The following RUFY2 variants were observed in gnomAD, a reference collection of about 807,000 sequenced individuals.
The protein encoded by RUFY2 is RUN and FYVE domain-containing protein 2.
A neutral mutation model predicts 94.4 loss-of-function variants in RUFY2; 49 were observed. The ratio of observed to expected loss-of-function variants is 0.52; its 90% CI spans 0.41 to 0.66. The LOEUF is 0.66. Among genes scored for constraint, RUFY2 ranks in the 30% least tolerant of loss-of-function variants. RUFY2 has a pLI of 0.00. For synonymous variants in RUFY2, 255 were observed against 235.7 expected (o/e 1.08, Z -0.75); for missense variants, 541 against 692.8 (o/e 0.78, Z 2.46).
intron 15 of RUFY2, 59 bp from the exon 16 acceptor site, chr10:68,355,460 A>T: frequency 9.8e-7 from 1 of 1,021,904 alleles, no homozygotes; most frequent in Non-Finnish European, 1.5e-6. Context: ...TAGAACACTT[A>T]GTATTTCAGT....
intron 15 of RUFY2, among the ~76,000 whole-genome samples, chr10:68,356,683 G>C (rs185402526): frequency 2.6e-5 from 4 of 151,700 alleles, no homozygotes; most frequent in African/African-American, 4.8e-5. Context: ...GAGTAGATGG[G>C]ATTAGAGGCA....
Position 68,355,977 on chromosome 10 carries a change from A to G in RUFY2, c.1551-576T>C, listed in dbSNP as rs527580731. On this transcript the variant is annotated intron_variant, in intron 15 of 17. Coordinates refer to ENST00000602465, the MANE Select transcript of RUFY2 (RefSeq NM_001330103.2). ...TTCATGTGATCATGACAATATTTAT[A>G]GCTATCATTTATTGTAGGTTTACTA... Among the ~76,000 whole-genome samples, 228 of 152,238 alleles carry G rather than the reference A, an allele frequency of 1.5e-3. 1 individual carries two copies. Among genetic ancestry groups the G allele is most frequent in the African/African-American group, 5.3e-3 (222 of 41,560 alleles).
chr10:68,379,554 G>T, intron 11 of RUFY2, 33 bp from the exon 12 acceptor site: 2 of 1,494,112 alleles, frequency 1.3e-6, no homozygotes, highest in South Asian at 2.3e-5. Context: ...TGGTGGTTTT[G>T]ATTTGTGTGT....
chr10:68,350,828 T>G (rs1264230430), intron 16 of RUFY2, among the ~76,000 whole-genome samples: 1 of 152,026 alleles, frequency 6.6e-6, no homozygotes, highest in African/African-American at 2.4e-5. Flanking sequence ...TTCTCCTGCC[T>G]CAGCCTCCTG....
At position 68,355,367 on chromosome 10, in the gene RUFY2, T is replaced by G; in HGVS notation, c.1585A>C (p.Asn529His). Residue 529 changes from asparagine to histidine, a missense_variant, in exon 16 of 18, where the codon AAC becomes CAC. Asn to His is a moderately conservative substitution (Grantham distance 68, BLOSUM62 1). Around this residue, in one of 3 missense-constraint regions of RUFY2, gnomAD observed 403 missense variants for 480.7 expected, o/e 0.84. Transcript: ENST00000602465. ...GTTCTACTCACCTGCAATGCTTTGT[T>G]GGCTTCTTTTATGTCTTCAATTTTA... is the stretch of plus-strand genomic sequence containing the variant. Reference protein sequence around the residue: ...KLKIEDIKEANKALQGLVWLK... With the variant: ...KLKIEDIKEAHKALQGLVWLK... The G allele has an allele frequency of 6.2e-7, 1 of 1,611,908 alleles. No individual in the cohort carries two copies. The highest frequency in any genetic ancestry group is 8.5e-7 in the Non-Finnish European group (1 of 1,178,364).
intron 7 of RUFY2, among the ~76,000 whole-genome samples, chr10:68,386,399 G>T (rs576398752): frequency 6.6e-6 from 1 of 152,252 alleles, no homozygotes; most frequent in South Asian, 2.1e-4. Flanking sequence ...GCCCAGGCTG[G>T]AGTGCAGTGG....
chr10:68,372,909 A>G (rs548145646), intron 13 of RUFY2, among the ~76,000 whole-genome samples: 3 of 147,880 alleles, frequency 2.0e-5, no homozygotes, highest in East Asian at 2.0e-4. Context: ...CCCTGTATCA[A>G]AAAAAAAAAA....
In RUFY2 at chr10:68,383,877, T is replaced by C; in HGVS notation, c.860A>G (p.Tyr287Cys). 1 of 1,613,980 alleles carries C rather than the reference T, an allele frequency of 6.2e-7. No homozygotes were observed. The highest frequency in any genetic ancestry group is 8.5e-7 in the Non-Finnish European group (1 of 1,180,004). ...KVDVETELQT[Y>C]KHSRQGLDEM... ...ATCTAGCCCCTGACGAGAATGCTTA[T>C]ATGTTTGAAGCTCAGTTTCCACATC... Residue 287 changes from tyrosine to cysteine, a missense_variant, in exon 10 of 18, where the codon TAT becomes TGT. Tyr to Cys is a radical substitution (Grantham distance 194). Coordinates refer to ENST00000602465, the MANE Select transcript of RUFY2 (RefSeq NM_001330103.2).
At chr10:68,348,342 C>CAA (rs143688595) in intron 16 of RUFY2, among the ~76,000 whole-genome samples, 3 of 148,306 alleles carry the variant, frequency 2.0e-5, no homozygotes, top group African/African-American at 7.4e-5. Context: ...CCCATCTCTA[C>CAA]AAAAAAAAAT....
At chr10:68,366,452 A>G (rs2132522552) in intron 13 of RUFY2, among the ~76,000 whole-genome samples, 1 of 151,532 alleles carries the variant, frequency 6.6e-6, no homozygotes. Flanking sequence ...AACTTAGAAA[A>G]AATTTTCAGG....
Position 68,383,847 on chromosome 10 carries a change from A to ATT in RUFY2, c.888_889dup (p.Met297LysfsTer20). On this transcript the variant is annotated frameshift_variant, in exon 10 of 18. Coordinates refer to ENST00000602465, the MANE Select transcript of RUFY2 (RefSeq NM_001330103.2). LOFTEE classifies it high-confidence loss of function. ...AAGCTGCCTTCTGGCTTCATTGTAC[A>ATT]TTTCATCTAGCCCCTGACGAGAATG... 6.2e-7 allele frequency: 1 copy of ATT among 1,613,906 alleles called. No individual in the cohort carries two copies. The highest frequency in any genetic ancestry group is 8.5e-7 in the Non-Finnish European group (1 of 1,179,958).
chr10:68,376,104 A>G (rs908087829), intron 13 of RUFY2, among the ~76,000 whole-genome samples: 1 of 149,438 alleles, frequency 6.7e-6, no homozygotes, highest in Non-Finnish European at 1.5e-5. Flanking sequence ...CTCCATCTCG[A>G]AGGAAAAAAA....
In RUFY2 at chr10:68,355,246, G is replaced by A. The variant is rs982924277; in HGVS notation, c.1599+107C>T. The A allele has an allele frequency of 1.2e-5, 9 of 743,318 alleles. No homozygotes were observed. In the African/African-American group the frequency reaches 1.3e-4, roughly 10 times the overall value. The allele number at this position is 743,318 out of a possible 1,614,324, so 46.0% of individuals were successfully genotyped here. A position where few individuals can be genotyped will look rare whatever the true frequency, so the allele number is the denominator to read the frequency against. On this transcript the variant is annotated intron_variant, in intron 16 of 17. Transcript: ENST00000602465. ...ATCCAAGCTCCTCATTCAGTGCTTCGGCCTCTATATATCCTGGGGTTAATA... is the reference window on the plus strand; with the variant it reads ...ATCCAAGCTCCTCATTCAGTGCTTCAGCCTCTATATATCCTGGGGTTAATA...
intron 3 of RUFY2, among the ~76,000 whole-genome samples, chr10:68,399,145 G>A (rs930977473): frequency 6.6e-6 from 1 of 151,970 alleles, no homozygotes; most frequent in Non-Finnish European, 1.5e-5. Context: ...CTGGGTTCAA[G>A]CAATTATCCT....
chr10:68,376,415 G>C, intron 13 of RUFY2, among the ~76,000 whole-genome samples: 1 of 126,270 alleles, frequency 7.9e-6, no homozygotes, highest in Non-Finnish European at 1.6e-5. Context: ...GGCAACAAGA[G>C]TGAAACTTCA....
chr10:68,371,204 T>C (rs1246358128), intron 13 of RUFY2, among the ~76,000 whole-genome samples: 1 of 148,610 alleles, frequency 6.7e-6, no homozygotes, highest in Non-Finnish European at 1.5e-5. Flanking sequence ...GGCCGTGTGA[T>C]GGGTCAGGAG....
chr10:68,377,466 T>C (rs1197877642), intron 12 of RUFY2: 1 of 992,418 alleles, frequency 1.0e-6, no homozygotes, highest in Non-Finnish European at 1.2e-6. Flanking sequence ...GATAGCCAAG[T>C]CCTTCTTACG....
At chr10:68,342,401 T>A (rs1334581312), downstream of RUFY2, 1 of 188,862 alleles carries the variant, frequency 5.3e-6, no homozygotes, top group Non-Finnish European at 1.1e-5. Flanking sequence ...GGATAATGGT[T>A]CACCTCTGCG....
intron 1 of RUFY2, chr10:68,406,717 GC>G: frequency 1.9e-6 from 3 of 1,557,566 alleles, no homozygotes; most frequent in Non-Finnish European, 2.6e-6. Context: ...CTGCCCAGAG[GC>G]CTGGGGGCCC....
Sources: gnomAD v4.1 joint callset for allele counts (sites outside exome capture counted in the v4.1 genomes callset) on GRCh38, gnomAD v4.1.1 for gene constraint, gnomAD v4.1.1 regional missense constraint, MANE v1.5 for transcripts, NCBI Gene and HGNC (gene_info 2026-07-23, HGNC 2026-07-21) for gene names.